CCSER1: variants seen among roughly 807,000 people sequenced by gnomAD.
CCSER1 encodes coiled-coil serine rich protein 1.
A neutral mutation model predicts 82.0 loss-of-function variants in CCSER1; 41 were observed. That is an observed-to-expected ratio of 0.50 (90% CI 0.39 to 0.65). The LOEUF (loss-of-function observed/expected upper bound fraction) is 0.65. Among genes scored for constraint, CCSER1 ranks in the 30% least tolerant of loss-of-function variants. The pLI is 0.00. For missense variants in CCSER1, 1,119 were observed against 1,064.2 expected, an observed-to-expected ratio of 1.05 and a Z score of -0.72; for synonymous variants, 414 against 383.9, an observed-to-expected ratio of 1.08 and a Z score of -0.92.
At chr4:91,358,946 A>G (rs571843214) in intron 10 of CCSER1, among the ~76,000 whole-genome samples, 17 of 152,214 alleles carry the variant, frequency 1.1e-4, no homozygotes, top group Admixed American at 4.6e-4. Context: ...CCAGTCAGGG[A>G]ACCAAGAAAT....
intron 9 of CCSER1, among the ~76,000 whole-genome samples, chr4:90,942,670 AAAAG>A (rs1269248505): frequency 1.3e-5 from 2 of 151,878 alleles, no homozygotes; most frequent in African/African-American, 4.8e-5. Flanking sequence ...TTTGTTAAAA[AAAAG>A]AAAGAAACTT....
At chr4:91,533,909 T>C (rs1761159494) in intron 10 of CCSER1, among the ~76,000 whole-genome samples, 1 of 152,044 alleles carries the variant, frequency 6.6e-6, no homozygotes, top group Non-Finnish European at 1.5e-5. Context: ...ATGTAGCTTC[T>C]TTCTCTGCTT....
intron 10 of CCSER1, among the ~76,000 whole-genome samples, chr4:91,188,966 A>G (rs1292450033): frequency 6.6e-6 from 1 of 152,148 alleles, no homozygotes; most frequent in Non-Finnish European, 1.5e-5. Context: ...AGAAATAGAA[A>G]AAAAGAGTTA....
intron 1 of CCSER1, among the ~76,000 whole-genome samples, chr4:90,204,679 C>G (rs1738440927): frequency 6.6e-6 from 1 of 152,042 alleles, no homozygotes; most frequent in African/African-American, 2.4e-5. Context: ...TATGTGGGCT[C>G]TTTTTTGGTT....
chr4:91,189,324 A>G (rs1398988600), intron 10 of CCSER1, among the ~76,000 whole-genome samples: 57 of 152,296 alleles, frequency 3.7e-4, no homozygotes, highest in African/African-American at 1.4e-3. Flanking sequence ...CTGGATCTAA[A>G]AAATCAGGTT....
chr4:90,992,984 A>C (rs1737174110), intron 9 of CCSER1, among the ~76,000 whole-genome samples: 1 of 152,034 alleles, frequency 6.6e-6, no homozygotes, highest in Non-Finnish European at 1.5e-5. Flanking sequence ...GGAAGTGGGC[A>C]TCATTGGAGC....
chr4:91,094,296 A>G (rs1440080721), intron 10 of CCSER1, among the ~76,000 whole-genome samples: 2 of 152,112 alleles, frequency 1.3e-5, no homozygotes, highest in Non-Finnish European at 2.9e-5. Context: ...GTAACACCTG[A>G]CCCCGGATCT....
intron 9 of CCSER1, among the ~76,000 whole-genome samples, chr4:91,077,629 C>A (rs1412051184): frequency 3.3e-5 from 5 of 152,082 alleles, no homozygotes; most frequent in Admixed American, 6.5e-5. Context: ...GGGTGCAGCC[C>A]ACAGAGCAGG....
At chr4:90,413,898 A>C (rs182252434) in intron 4 of CCSER1, among the ~76,000 whole-genome samples, 2 of 135,610 alleles carry the variant, frequency 1.5e-5, no homozygotes, top group East Asian at 4.7e-4. Context: ...GCAGTGAGCC[A>C]AGATTGCGCC....
At chr4:90,994,430 G>A (rs371899021) in intron 9 of CCSER1, among the ~76,000 whole-genome samples, 24 of 151,930 alleles carry the variant, frequency 1.6e-4, no homozygotes, top group African/African-American at 5.5e-4. Flanking sequence ...ATGGTTATAT[G>A]GGTACTCAAA....
chr4:91,079,760 G>A (rs76376115), intron 9 of CCSER1, among the ~76,000 whole-genome samples: 1 of 152,094 alleles, frequency 6.6e-6, no homozygotes, highest in African/African-American at 2.4e-5. Flanking sequence ...CAAAGCAGGG[G>A]TTGCCGTCCT....
chr4:91,300,989 G>A (rs576137823), intron 10 of CCSER1, among the ~76,000 whole-genome samples: 4 of 151,914 alleles, frequency 2.6e-5, no homozygotes, highest in Admixed American at 2.0e-4. Flanking sequence ...TATCCTAAAA[G>A]GAAAGGAAGA....
intron 8 of CCSER1, among the ~76,000 whole-genome samples, chr4:90,898,194 C>T (rs546591589): frequency 2.3e-4 from 34 of 146,038 alleles, no homozygotes; most frequent in Non-Finnish European, 4.5e-4. Context: ...TAGGTGAATA[C>T]ACAGAAGAGT....
chr4:91,153,872 C>G (rs1165099134), intron 10 of CCSER1, among the ~76,000 whole-genome samples: 1 of 151,820 alleles, frequency 6.6e-6, no homozygotes, highest in Non-Finnish European at 1.5e-5. Context: ...CCTCTGGAAG[C>G]TTTGTCTCAG....
At chr4:91,563,806 T>G (rs191883024) in intron 10 of CCSER1, among the ~76,000 whole-genome samples, 79 of 151,908 alleles carry the variant, frequency 5.2e-4, no homozygotes, top group Admixed American at 4.8e-3. Context: ...TCTAAAGATT[T>G]CACCAAAAAC....
At chr4:91,080,254 T>A (rs1221164227) in intron 9 of CCSER1, among the ~76,000 whole-genome samples, 1 of 152,112 alleles carries the variant, frequency 6.6e-6, no homozygotes, top group Non-Finnish European at 1.5e-5. Context: ...GAACTCAGGA[T>A]TAAGAAACTC....
chr4:90,364,249 GTC>G (rs1378879561), intron 3 of CCSER1, among the ~76,000 whole-genome samples: 1 of 151,904 alleles, frequency 6.6e-6, no homozygotes, highest in Non-Finnish European at 1.5e-5. Context: ...TTTTCAAATT[GTC>G]TGTCTCTCTC....
chr4:90,421,517 G>A (rs1285666885), intron 4 of CCSER1, among the ~76,000 whole-genome samples: 1 of 152,132 alleles, frequency 6.6e-6, no homozygotes, highest in Non-Finnish European at 1.5e-5. Flanking sequence ...AGGGAAAAAC[G>A]CTACCTTGAC....
At chr4:91,514,377 G>T (rs564049011) in intron 10 of CCSER1, among the ~76,000 whole-genome samples, 4 of 152,126 alleles carry the variant, frequency 2.6e-5, no homozygotes, top group Admixed American at 6.6e-5. Flanking sequence ...GGTTATGTAT[G>T]TGGTTGATGT....
Sources: gnomAD v4.1 joint callset for allele counts (sites outside exome capture counted in the v4.1 genomes callset) on GRCh38, gnomAD v4.1.1 for gene constraint, MANE v1.5 for transcripts, NCBI Gene and HGNC (gene_info 2026-07-23, HGNC 2026-07-21) for gene names.